Variants in TTC34 observed in about 807,000 individuals in gnomAD.
TTC34 encodes the protein tetratricopeptide repeat domain 34.
In TTC34, 44 loss-of-function variants were observed where a neutral mutation model predicts 40.7. The observed-to-expected ratio is 1.08, with a 90% CI of 0.85 to 1.39. The LOEUF is 1.39. Among genes scored for constraint, TTC34 ranks in the 40% most tolerant of loss-of-function variants. TTC34 has a pLI of 0.00. For synonymous variants in TTC34, 422 were observed against 398.6 expected, an observed-to-expected ratio of 1.06 and a Z score of -0.70; for missense variants, 884 against 838.0, an observed-to-expected ratio of 1.05 and a Z score of -0.68.
intron 6 of TTC34, among the ~76,000 whole-genome samples, chr1:2,755,919 T>G (rs1343195299): frequency 2.7e-5 from 2 of 73,634 alleles, no homozygotes; most frequent in South Asian, 1.3e-3. Context: ...GGTGAGCATC[T>G]GACAGCCTGG....
At chr1:2,781,526 G>T (rs146902977) in intron 6 of TTC34, among the ~76,000 whole-genome samples, 1 of 151,762 alleles carries the variant, frequency 6.6e-6, no homozygotes, top group Non-Finnish European at 1.5e-5. Flanking sequence ...TTTTTTTCTT[G>T]CCTAGTTATT....
At chr1:2,751,311 G>A (rs1275116061) in intron 6 of TTC34, among the ~76,000 whole-genome samples, 6 of 59,186 alleles carry the variant, frequency 1.0e-4, no homozygotes, top group East Asian at 9.4e-4. Context: ...CCGACACCGT[G>A]GAGCAGAACA....
At position 2,750,782 on chromosome 1, in the gene TTC34, G is replaced by A. The variant is rs1256039785; in HGVS notation, c.2226+32827C>T. On this transcript the variant is annotated intron_variant, in intron 6 of 8. Transcript: ENST00000401095. ...GCACGCATAAACACAGGTGAACATC[G>A]GAGAGTCTGGAGCAGCGCCCACACC... Among the ~76,000 whole-genome samples the A allele has an allele frequency of 7.7e-5, 6 of 78,334 alleles. 3 individuals carry two copies. The highest frequency in any genetic ancestry group is 1.1e-3 in the East Asian group (2 of 1,868). The allele number at this position is 78,334 out of a possible 152,430, so 51.4% of individuals were successfully genotyped here.
At chr1:2,757,908 T>C (rs1641560177) in intron 6 of TTC34, among the ~76,000 whole-genome samples, 1 of 113,396 alleles carries the variant, frequency 8.8e-6, no homozygotes, top group African/African-American at 4.2e-5. Context: ...AACAGCACCC[T>C]GCACCCCCAG....
chr1:2,785,791 G>A (rs1164284597), intron 5 of TTC34, 28 bp downstream of exon 5: 9 of 1,537,646 alleles, frequency 5.9e-6, no homozygotes, highest in Non-Finnish European at 7.9e-6. Context: ...ACAAGACTGG[G>A]CCCTGGGGGC....
intron 6 of TTC34, among the ~76,000 whole-genome samples, chr1:2,759,689 G>GGAA (rs1641629212): frequency 7.5e-6 from 1 of 132,594 alleles, no homozygotes. Flanking sequence ...CCCCAGGCTT[G>GGAA]CATCCGACAG....
chr1:2,779,768 T>C (rs1245602866), intron 6 of TTC34, among the ~76,000 whole-genome samples: 1 of 152,212 alleles, frequency 6.6e-6, no homozygotes, highest in African/African-American at 2.4e-5. Context: ...AAAAACTTCA[T>C]AGTAGCCATC....
chr1:2,637,669 T>C (rs1409668927), exon 9 of TTC34: 1 of 152,124 alleles, frequency 6.6e-6, no homozygotes, highest in Non-Finnish European at 1.5e-5. Flanking sequence ...ACGAGGGCTG[T>C]GGGGGGTCCC....
intron 6 of TTC34, among the ~76,000 whole-genome samples, chr1:2,677,747 T>C (rs1221815187): frequency 2.3e-4 from 33 of 146,644 alleles, no homozygotes; most frequent in South Asian, 4.4e-4. Context: ...GGTGAGCATC[T>C]GACAGCCTGG....
chr1:2,693,324 C>T (rs530389800), intron 6 of TTC34, among the ~76,000 whole-genome samples: 12 of 111,604 alleles, frequency 1.1e-4, no homozygotes, highest in Admixed American at 1.9e-4. Flanking sequence ...GAGCCTCTGA[C>T]AGCCTGGAAC....
At chr1:2,685,137 C>A (rs1337416576) in intron 6 of TTC34, among the ~76,000 whole-genome samples, 1 of 139,768 alleles carries the variant, frequency 7.2e-6, no homozygotes, top group Non-Finnish European at 1.5e-5. Flanking sequence ...GAGCATCGGA[C>A]GGCCTGGAAC....
chr1:2,658,481 ACAGCC>A, intron 6 of TTC34, among the ~76,000 whole-genome samples: 1 of 67,674 alleles, frequency 1.5e-5, no homozygotes, highest in Non-Finnish European at 3.9e-5. Context: ...TGAGCAACTG[ACAGCC>A]TGGAGCAGCA....
At chr1:2,660,107 A>ACGC (rs1639487158) in intron 6 of TTC34, among the ~76,000 whole-genome samples, 4 of 128,586 alleles carry the variant, frequency 3.1e-5, no homozygotes, top group Non-Finnish European at 6.5e-5. Context: ...CAGAACCCAC[A>ACGC]CCAACAGGCG....
At chr1:2,644,347 G>C in exon 8 of TTC34, 1 of 1,536,018 alleles carries the variant, frequency 6.5e-7, no homozygotes, top group Admixed American at 2.0e-5. Context: ...GCCAGGCTCT[G>C]CAGGTCCCTT....
At chr1:2,783,521 G>A (rs1643520724) in intron 6 of TTC34, 88 bp downstream of exon 6, 1 of 1,262,816 alleles carries the variant, frequency 7.9e-7, no homozygotes, top group African/African-American at 1.5e-5. Context: ...GGCCTACCCG[G>A]CTCCCTCTCT....
At chr1:2,652,093 A>C (rs1199636622) in intron 6 of TTC34, among the ~76,000 whole-genome samples, 2 of 87,448 alleles carry the variant, frequency 2.3e-5, no homozygotes, top group African/African-American at 5.1e-5. Context: ...CCCCCAGGTG[A>C]GCATCTGACA....
chr1:2,783,287 G>C (rs989830909), intron 6 of TTC34, among the ~76,000 whole-genome samples: 1 of 152,126 alleles, frequency 6.6e-6, no homozygotes, highest in African/African-American at 2.4e-5. Flanking sequence ...ACATCTCCTG[G>C]CCAACAACCC....
At chr1:2,685,170 C>A (rs1177382810) in intron 6 of TTC34, among the ~76,000 whole-genome samples, 1 of 141,224 alleles carries the variant, frequency 7.1e-6, no homozygotes, top group Non-Finnish European at 1.5e-5. Context: ...CCCACGTGAG[C>A]ATCTGACTGC....
chr1:2,699,230 C>A (rs1436132233), intron 6 of TTC34, among the ~76,000 whole-genome samples: 56 of 114,688 alleles, frequency 4.9e-4, no homozygotes, highest in Admixed American at 7.0e-4. Context: ...AGCATCTGAC[C>A]GCCCGGAGCA....
Sources: gnomAD v4.1 joint callset for allele counts (sites outside exome capture counted in the v4.1 genomes callset) on GRCh38, gnomAD v4.1.1 for gene constraint, MANE v1.5 for transcripts, NCBI Gene and HGNC (gene_info 2026-07-23, HGNC 2026-07-21) for gene names.